GPM6A: variants seen among roughly 807,000 people sequenced by gnomAD.
GPM6A encodes the protein neuronal membrane glycoprotein M6-a.
GPM6A carries 7 observed loss-of-function variants against 32.1 expected under a neutral mutation model. The observed-to-expected ratio is 0.22, with a 90% CI of 0.12 to 0.41. The LOEUF (loss-of-function observed/expected upper bound fraction) is 0.41. Ranked by LOEUF, GPM6A falls within the 10% of genes least tolerant of loss-of-function variation. The pLI, the probability that GPM6A is intolerant of heterozygous loss-of-function variation, is 1.00. For missense variants in GPM6A, 235 were observed against 347.2 expected (o/e 0.68, Z 2.57); for synonymous variants, 130 against 123.4 (o/e 1.05, Z -0.35).
chr4:175,850,093 G>C (rs1194179088), intron 1 of GPM6A, among the ~76,000 whole-genome samples: 1 of 152,162 alleles, frequency 6.6e-6, no homozygotes, highest in East Asian at 1.9e-4. Context: ...TTAAAGGAAA[G>C]ATGTGAAGAG....
At chr4:175,818,222 CCTT>C (rs1293796773) in intron 1 of GPM6A, among the ~76,000 whole-genome samples, 5 of 152,172 alleles carry the variant, frequency 3.3e-5, no homozygotes, top group Non-Finnish European at 5.9e-5. Context: ...TCATTCATCT[CCTT>C]CTAATTTCTT....
chr4:175,825,997 T>A (rs754442792), intron 1 of GPM6A, among the ~76,000 whole-genome samples: 3 of 151,928 alleles, frequency 2.0e-5, no homozygotes, highest in African/African-American at 7.3e-5. Context: ...CTGGACAACA[T>A]AGCAAAACCC....
In GPM6A at chr4:175,837,142, AGAGT is replaced by A. The variant is rs532949772; in HGVS notation, c.-22-24897_-22-24894del. On this transcript the variant is annotated intron_variant, in intron 1 of 7. Coordinates refer to the GPM6A transcript ENST00000280187. ...GAACAAGAGCAAGAGAGAGAGAGAG[AGAGT>A]GAAAGATGCTATGCTTCTGGCTTTG... 1.1e-4 allele frequency among the ~76,000 whole-genome samples: 16 copies of A among 152,152 alleles called. No homozygotes were observed. The South Asian group carries it at 3.3e-3, about 32-fold the overall frequency.
chr4:175,929,918 G>A (rs1738972987), intron 1 of GPM6A, among the ~76,000 whole-genome samples: 1 of 152,100 alleles, frequency 6.6e-6, no homozygotes, highest in Admixed American at 6.6e-5. Context: ...TCACAGCCTT[G>A]TACCTGTCTT....
At chr4:175,771,992 C>G (rs1057442312) in intron 1 of GPM6A, among the ~76,000 whole-genome samples, 1 of 152,176 alleles carries the variant, frequency 6.6e-6, no homozygotes, top group Non-Finnish European at 1.5e-5. Context: ...TTATTTCTGA[C>G]CCTTGGTCCT....
chr4:175,979,668 C>T (rs746883205), intron 1 of GPM6A, among the ~76,000 whole-genome samples: 1 of 152,010 alleles, frequency 6.6e-6, no homozygotes, highest in African/African-American at 2.4e-5. Flanking sequence ...GGCTTATAGA[C>T]CTGGAACCAT....
At chr4:175,709,966 C>G (rs1171826728) in intron 1 of GPM6A, among the ~76,000 whole-genome samples, 1 of 151,862 alleles carries the variant, frequency 6.6e-6, no homozygotes, top group Non-Finnish European at 1.5e-5. Context: ...TAGTACATGC[C>G]ATTTCTACAC....
At chr4:175,924,814 T>G (rs975217452) in intron 1 of GPM6A, among the ~76,000 whole-genome samples, 1 of 129,768 alleles carries the variant, frequency 7.7e-6, no homozygotes, top group African/African-American at 3.0e-5. Flanking sequence ...CACTCCAGCC[T>G]AGGCAACAGA....
chr4:175,846,522 A>G (rs556588201), intron 1 of GPM6A, among the ~76,000 whole-genome samples: 3 of 152,242 alleles, frequency 2.0e-5, no homozygotes, highest in African/African-American at 7.2e-5. Context: ...CGTGAGAGGC[A>G]CTCTGGATTA....
chr4:175,703,705 A>C (rs1212418857), intron 1 of GPM6A, among the ~76,000 whole-genome samples: 2 of 152,236 alleles, frequency 1.3e-5, no homozygotes, highest in Non-Finnish European at 2.9e-5. Flanking sequence ...GAAATGCTTA[A>C]GTATATATGT....
chr4:175,877,378 A>G (rs73010152), intron 1 of GPM6A, among the ~76,000 whole-genome samples: 3,859 of 152,256 alleles, frequency 0.025, 154 homozygotes, highest in African/African-American at 0.087. Context: ...TAAGCATAGT[A>G]TTAGTCCATT....
At chr4:175,792,509 T>C (rs1441993044) in intron 1 of GPM6A, among the ~76,000 whole-genome samples, 1 of 152,164 alleles carries the variant, frequency 6.6e-6, no homozygotes, top group Non-Finnish European at 1.5e-5. Flanking sequence ...GGGAAATGCA[T>C]GCTTTCTTGT....
In GPM6A at chr4:175,636,276, A is replaced by G. The variant is rs867149289; in HGVS notation, c.685-1219T>C. Among the ~76,000 whole-genome samples the G allele has an allele frequency of 1.4e-3, 177 of 123,494 alleles. 1 individual carries two copies. The highest frequency in any genetic ancestry group is 3.6e-3 in the African/African-American group (126 of 34,874). 81.0% of individuals were successfully genotyped at this position (123,494 alleles called of 152,430 possible). A position where few individuals can be genotyped will look rare whatever the true frequency, so the allele number is the denominator to read the frequency against. ...ATAATCACTGTATATATATATATAT[A>G]TATATATATATATATATATATACAT... On this transcript the variant is annotated intron_variant, in intron 6 of 6. Coordinates refer to ENST00000393658, the MANE Select transcript of GPM6A (RefSeq NM_201591.3).
At chr4:175,768,941 C>T (rs1733081727) in intron 1 of GPM6A, among the ~76,000 whole-genome samples, 1 of 151,818 alleles carries the variant, frequency 6.6e-6, no homozygotes, top group South Asian at 2.1e-4. Context: ...ACAAAAATAC[C>T]AAAATTAGCT....
At chr4:175,691,653 A>G (rs1412885995) in intron 2 of GPM6A, among the ~76,000 whole-genome samples, 1 of 152,144 alleles carries the variant, frequency 6.6e-6, no homozygotes, top group African/African-American at 2.4e-5. Context: ...GATTTTACCA[A>G]TTGTCTACTT....
At chr4:175,802,068 A>G (rs774251264) in intron 1 of GPM6A, among the ~76,000 whole-genome samples, 10 of 152,080 alleles carry the variant, frequency 6.6e-5, no homozygotes, top group Non-Finnish European at 1.2e-4. Flanking sequence ...GTAGAGATCA[A>G]TCATGGAAAT....
At chr4:175,735,432 A>G (rs1475426542) in intron 1 of GPM6A, among the ~76,000 whole-genome samples, 1 of 152,222 alleles carries the variant, frequency 6.6e-6, no homozygotes, top group African/African-American at 2.4e-5. Context: ...TACACTAATC[A>G]GGCTGTGAAA....
At chr4:175,697,368 A>G (rs1316464348) in intron 2 of GPM6A, among the ~76,000 whole-genome samples, 2 of 151,494 alleles carry the variant, frequency 1.3e-5, no homozygotes, top group African/African-American at 4.8e-5. Flanking sequence ...CACCTTTCCA[A>G]ATGTCTCTCA....
chr4:175,660,770 C>CA (rs949435398), intron 3 of GPM6A, among the ~76,000 whole-genome samples: 4 of 151,720 alleles, frequency 2.6e-5, no homozygotes, highest in Admixed American at 6.6e-5. Flanking sequence ...AATGAAGAAG[C>CA]AAAAAAAATC....
Sources: gnomAD v4.1 joint callset for allele counts (sites outside exome capture counted in the v4.1 genomes callset) on GRCh38, gnomAD v4.1.1 for gene constraint, MANE v1.5 for transcripts, NCBI Gene and HGNC (gene_info 2026-07-23, HGNC 2026-07-21) for gene names.